CD2AP: variants seen among roughly 807,000 people sequenced by gnomAD.
CD2AP encodes CD2-associated protein.
Under a neutral mutation model 85.1 loss-of-function variants are expected in CD2AP, and 46 were observed. The observed-to-expected ratio is 0.54, with a 90% CI of 0.43 to 0.69. The LOEUF (loss-of-function observed/expected upper bound fraction) is 0.69. Ranked by LOEUF, CD2AP falls within the 30% of genes least tolerant of loss-of-function variation. The pLI, the probability that CD2AP is intolerant of heterozygous loss-of-function variation, is 0.00. For synonymous variants in CD2AP, 255 were observed against 252.9 expected (o/e 1.01, Z -0.08); for missense variants, 769 against 729.5 (o/e 1.05, Z -0.62).
At chr6:47,589,393 C>CACACACACACACACACACAA (rs1562046161) in intron 11 of CD2AP, among the ~76,000 whole-genome samples, 1 of 151,022 alleles carries the variant, frequency 6.6e-6, no homozygotes, top group Non-Finnish European at 1.5e-5. Flanking sequence ...CACACACACA[C>CACACACACACACACACACAA]AAATGTATAT....
chr6:47,572,894 T>G (rs542676104), intron 5 of CD2AP, among the ~76,000 whole-genome samples: 115 of 152,364 alleles, frequency 7.5e-4, no homozygotes, highest in South Asian at 1.7e-3. Context: ...CTACTATTTT[T>G]ATTGTCCCTA....
chr6:47,605,941 G>A (rs1769257888), intron 13 of CD2AP, among the ~76,000 whole-genome samples: 2 of 151,594 alleles, frequency 1.3e-5, no homozygotes, highest in Non-Finnish European at 1.5e-5. Context: ...TGTTAATAAA[G>A]TCATATACTA....
intron 1 of CD2AP, among the ~76,000 whole-genome samples, chr6:47,501,204 T>C (rs529781477): frequency 1.3e-5 from 2 of 152,276 alleles, no homozygotes; most frequent in Admixed American, 6.5e-5. Context: ...CTGAGTAATA[T>C]AGCCAGACCC....
At chr6:47,498,250 A>G (rs957219654) in intron 1 of CD2AP, among the ~76,000 whole-genome samples, 4 of 152,154 alleles carry the variant, frequency 2.6e-5, no homozygotes, top group African/African-American at 4.8e-5. Context: ...TTTTCCTTCA[A>G]TACTTCAGTG....
chr6:47,567,084 GT>G lies in CD2AP; in HGVS notation c.542-6967del, dbSNP rs34283930. Among the ~76,000 whole-genome samples, 749 of 145,670 alleles carry G rather than the reference GT, an allele frequency of 5.1e-3. 2 individuals are homozygous for G. The highest frequency in any genetic ancestry group is 0.015 in the African/African-American group (611 of 39,900). On this transcript the variant is annotated intron_variant, in intron 5 of 17. Coordinates refer to ENST00000359314, the MANE Select transcript of CD2AP (RefSeq NM_012120.3). The stretch of plus-strand genomic sequence containing the variant: ...AGAGTTTTGTTTTTCTGATTTCCCA[GT>G]TTTTTTTTTTTTAACTTTACTATGC...
intron 6 of CD2AP, 131 bp downstream of exon 6, chr6:47,574,382 G>C: frequency 1.3e-6 from 1 of 788,346 alleles, no homozygotes; most frequent in South Asian, 1.6e-5. Flanking sequence ...TTATGAATGA[G>C]GAGGCTGTGA....
chr6:47,486,125 ATCAG>A (rs1401193929), intron 1 of CD2AP, among the ~76,000 whole-genome samples: 1 of 152,218 alleles, frequency 6.6e-6, no homozygotes, highest in Non-Finnish European at 1.5e-5. Context: ...AGTTTAATCA[ATCAG>A]TATTTTCCTT....
chr6:47,536,221 A>G (rs928964198), intron 3 of CD2AP, among the ~76,000 whole-genome samples: 1 of 149,234 alleles, frequency 6.7e-6, no homozygotes, highest in African/African-American at 2.4e-5. Flanking sequence ...TGTTTATTAA[A>G]CTTGATTTTT....
At position 47,576,998 on chromosome 6, in the gene CD2AP, C is replaced by G. The variant is rs76153148; in HGVS notation, c.809-11C>G. 3.8e-6 allele frequency: 5 copies of G among 1,311,344 alleles called. No homozygotes were observed. Among genetic ancestry groups the G allele is most frequent in the Admixed American group, 3.4e-5 (2 of 59,598 alleles). The allele number at this position is 1,311,344 out of a possible 1,614,324, so 81.2% of individuals were successfully genotyped here. On this transcript the variant is annotated splice_polypyrimidine_tract_variant and intron_variant, in intron 7 of 17. Transcript: ENST00000359314. ...TTGTGTGAGCCACATTATTTACATT[C>G]TTTATTTCAGCTAAAGAATATTGTA...
chr6:47,583,369 G>A (rs1323811760), intron 11 of CD2AP, among the ~76,000 whole-genome samples: 1 of 152,078 alleles, frequency 6.6e-6, no homozygotes, highest in Non-Finnish European at 1.5e-5. Flanking sequence ...CACCATTGTA[G>A]TATCATACAG....
intron 5 of CD2AP, among the ~76,000 whole-genome samples, chr6:47,572,401 TTC>T (rs1182584317): frequency 6.6e-6 from 1 of 152,236 alleles, no homozygotes; most frequent in Non-Finnish European, 1.5e-5. Flanking sequence ...ATTGTAAACA[TTC>T]TCTCAATGAA....
At chr6:47,548,194 A>G (rs1486289767) in intron 4 of CD2AP, among the ~76,000 whole-genome samples, 1 of 152,224 alleles carries the variant, frequency 6.6e-6, no homozygotes. Flanking sequence ...GAAAGGAAAT[A>G]ACCAAGATCA....
At chr6:47,543,148 C>CAAAAAAAAAAAAAAAAAATAAAA (rs1767266861) in intron 3 of CD2AP, among the ~76,000 whole-genome samples, 1 of 60,324 alleles carries the variant, frequency 1.7e-5, no homozygotes, top group Non-Finnish European at 2.9e-5. Flanking sequence ...AAGACTGTCT[C>CAAAAAAAAAAAAAAAAAATAAAA]AAAAAAAAAA....
intron 2 of CD2AP, among the ~76,000 whole-genome samples, chr6:47,528,227 C>T (rs534922213): frequency 2.6e-5 from 4 of 152,226 alleles, no homozygotes; most frequent in East Asian, 1.9e-4. Flanking sequence ...CATGCTGGAG[C>T]GCAGTGCTGT....
intron 5 of CD2AP, among the ~76,000 whole-genome samples, chr6:47,569,337 A>G (rs572086396): frequency 1.3e-5 from 2 of 152,170 alleles, no homozygotes; most frequent in East Asian, 1.9e-4. Context: ...ATTAGTCTCA[A>G]TTTATTGGAG....
chr6:47,562,954 T>G, intron 5 of CD2AP: 1 of 542,482 alleles, frequency 1.8e-6, no homozygotes. Flanking sequence ...TGGGTAGTAG[T>G]TAAGGACTAT....
chr6:47,584,611 C>A (rs531408962), intron 11 of CD2AP, among the ~76,000 whole-genome samples: 7 of 152,242 alleles, frequency 4.6e-5, no homozygotes, highest in Admixed American at 6.5e-5. Flanking sequence ...TCTCTAGTCC[C>A]TAAATATGTC....
At chr6:47,580,820 G>T in intron 9 of CD2AP, 44 bp from the exon 10 acceptor site, 3 of 1,402,034 alleles carry the variant, frequency 2.1e-6, no homozygotes, top group South Asian at 1.2e-5. Context: ...AACTATATTT[G>T]ATATGAAACT....
intron 5 of CD2AP, among the ~76,000 whole-genome samples, chr6:47,570,832 T>A (rs1357859883): frequency 6.6e-6 from 1 of 152,194 alleles, no homozygotes; most frequent in East Asian, 1.9e-4. Context: ...ACTTTACCGC[T>A]ATACCATGCT....
Sources: allele counts gnomAD v4.1 joint callset (sites outside exome capture counted in the v4.1 genomes callset), GRCh38; gene constraint gnomAD v4.1.1; transcripts MANE v1.5; gene names NCBI Gene and HGNC (gene_info 2026-07-23, HGNC 2026-07-21).